Variants in YPEL2 observed in about 807,000 individuals in gnomAD.
The protein encoded by YPEL2 is protein yippee-like 2.
A neutral mutation model predicts 19.1 loss-of-function variants in YPEL2; 2 were observed. That is an observed-to-expected ratio of 0.10 (90% CI 0.04 to 0.33). The LOEUF is 0.33. Ranked by LOEUF, YPEL2 falls within the 10% of genes least tolerant of loss-of-function variation. YPEL2 has a pLI of 1.00. For synonymous variants in YPEL2, 52 were observed against 50.0 expected (o/e 1.04, Z -0.17); for missense variants, 66 against 140.7 (o/e 0.47, Z 2.68).
intron 1 of YPEL2, among the ~76,000 whole-genome samples, chr17:59,351,464 T>A (rs1326579259): frequency 3.9e-5 from 6 of 152,088 alleles, no homozygotes; most frequent in African/African-American, 1.2e-4. Flanking sequence ...TCTGTAACAC[T>A]CTGGCACCCA....
At chr17:59,391,249 T>C (rs1261276373) in intron 4 of YPEL2, among the ~76,000 whole-genome samples, 1 of 152,190 alleles carries the variant, frequency 6.6e-6, no homozygotes, top group East Asian at 1.9e-4. Flanking sequence ...CGCAGAGTGC[T>C]GACGATATGT....
In YPEL2 at chr17:59,392,506, C is replaced by T. The variant is rs930764267; in HGVS notation, c.270+3038C>T. Among the ~76,000 whole-genome samples, 3 of 126,842 alleles carry T rather than the reference C, an allele frequency of 2.4e-5. No homozygotes were observed. The East Asian group carries it at 8.6e-4, about 36-fold the overall frequency. 83.2% of individuals were successfully genotyped at this position (126,842 alleles called of 152,430 possible). A position where few individuals can be genotyped will look rare whatever the true frequency, so the allele number is the denominator to read the frequency against. On this transcript the variant is annotated intron_variant, in intron 4 of 4. Coordinates refer to ENST00000312655, the MANE Select transcript of YPEL2 (RefSeq NM_001005404.4). ...ACCTCCTATGTGCCAGCTCAGGGCA[C>T]GTTTTTTTTTTTTTTTTTTTTTGAG...
intron 1 of YPEL2, among the ~76,000 whole-genome samples, chr17:59,334,329 G>A (rs1030866374): frequency 2.0e-5 from 3 of 148,580 alleles, no homozygotes; most frequent in Non-Finnish European, 4.5e-5. Context: ...ATTTTGTTTA[G>A]TATCCGTGTA....
chr17:59,385,602 A>G (rs2047975848), intron 2 of YPEL2, among the ~76,000 whole-genome samples: 1 of 152,140 alleles, frequency 6.6e-6, no homozygotes, highest in South Asian at 2.1e-4. Context: ...GAAAATACAA[A>G]TTATAGTGAC....
chr17:59,389,232 T>A (rs1340607871), intron 3 of YPEL2, 128 bp from the exon 4 acceptor site: 1 of 743,300 alleles, frequency 1.3e-6, no homozygotes, highest in Non-Finnish European at 2.3e-6. Flanking sequence ...TTGGTTTAGA[T>A]CTGCTCAGCT....
In YPEL2 at chr17:59,392,161, C is replaced by T. The variant is rs190127880; in HGVS notation, c.270+2693C>T. ...GTGCAGAAAAGTTCTGCCCCTGCCC[C>T]TGTTTCCCAGCCTCTTGGCTGTCTT... On this transcript the variant is annotated intron_variant, in intron 4 of 4. Coordinates refer to ENST00000312655, the MANE Select transcript of YPEL2 (RefSeq NM_001005404.4). Among the ~76,000 whole-genome samples the T allele has an allele frequency of 1.9e-3, 285 of 152,312 alleles. 3 individuals carry two copies. Among genetic ancestry groups the T allele is most frequent in the African/African-American group, 6.7e-3 (280 of 41,570 alleles).
intron 1 of YPEL2, among the ~76,000 whole-genome samples, chr17:59,339,638 A>T (rs930510318): frequency 6.6e-6 from 1 of 152,176 alleles, no homozygotes; most frequent in African/African-American, 2.4e-5. Flanking sequence ...AGGGACTGAG[A>T]ATACACTTCC....
intron 1 of YPEL2, among the ~76,000 whole-genome samples, chr17:59,339,102 G>GC (rs869226073): frequency 7.4e-4 from 95 of 127,964 alleles, no homozygotes; most frequent in Non-Finnish European, 1.0e-3. Flanking sequence ...GGATATCTGC[G>GC]CCCCCCACCC....
At position 59,353,799 on chromosome 17, in the gene YPEL2, T is replaced by C. The variant is rs934929741; in HGVS notation, c.117+273T>C. 2.4e-6 allele frequency: 1 copy of C among 425,340 alleles called. No homozygotes were observed. Among genetic ancestry groups the C allele is most frequent in the African/African-American group, 2.0e-5 (1 of 49,068 alleles). 26.3% of individuals were successfully genotyped at this position (425,340 alleles called of 1,614,324 possible). On this transcript the variant is annotated intron_variant, in intron 2 of 4. Coordinates refer to ENST00000312655, the MANE Select transcript of YPEL2 (RefSeq NM_001005404.4). This position sits in a 1 kb window ranked among gnomAD's most constrained non-coding sequence, Gnocchi z 4.8. ...AGCCAGAGAAGGGAGGGGCTGGGGA[T>C]TGATGGGAGCCTTGTTCTCAGCTTG...
At chr17:59,371,888 A>T (rs1443710140) in intron 2 of YPEL2, among the ~76,000 whole-genome samples, 2 of 152,236 alleles carry the variant, frequency 1.3e-5, no homozygotes, top group African/African-American at 4.8e-5. Context: ...AAGTTTGCAC[A>T]GTTCACTTCA....
At chr17:59,360,738 CGT>C (rs34622272) in intron 2 of YPEL2, among the ~76,000 whole-genome samples, 95,243 of 151,682 alleles carry the variant, frequency 0.63, 30,983 homozygotes, top group African/African-American at 0.8. Flanking sequence ...ATTTGGGGCT[CGT>C]GTAAAGTATA....
chr17:59,344,030 G>GA (rs2047744134), intron 1 of YPEL2, among the ~76,000 whole-genome samples: 1 of 152,074 alleles, frequency 6.6e-6, no homozygotes. Context: ...GCATAAAGGG[G>GA]GTTTCCTGCT....
At chr17:59,344,514 T>C (rs2047746639) in intron 1 of YPEL2, among the ~76,000 whole-genome samples, 1 of 152,124 alleles carries the variant, frequency 6.6e-6, no homozygotes, top group Non-Finnish European at 1.5e-5. Flanking sequence ...TCCCAGCACT[T>C]TGAGAGGCTG....
Position 59,351,822 on chromosome 17 carries a change from TCAGGGCTG to T in YPEL2, c.-195-1389_-195-1382del, listed in dbSNP as rs2047788996. Among the ~76,000 whole-genome samples, 3 of 152,306 alleles carry T rather than the reference TCAGGGCTG, an allele frequency of 2.0e-5. No individual in the cohort carries two copies. The South Asian group carries it at 6.2e-4, about 32-fold the overall frequency. Reference sequence around the variant, plus strand: ...GCTTTGCATGAGGAGCTTCCTTGGCTCAGGGCTGCAGAAGAGAAGTGCTCTCACTGTGG... The same window carrying T: ...GCTTTGCATGAGGAGCTTCCTTGGCTCAGAAGAGAAGTGCTCTCACTGTGG... On this transcript the variant is annotated intron_variant, in intron 1 of 4. Coordinates refer to ENST00000312655, the MANE Select transcript of YPEL2 (RefSeq NM_001005404.4).
chr17:59,338,098 C>T (rs2047708756), intron 1 of YPEL2, among the ~76,000 whole-genome samples: 1 of 152,198 alleles, frequency 6.6e-6, no homozygotes, highest in African/African-American at 2.4e-5. Flanking sequence ...GTCTCCTGAG[C>T]TACAGAGGAG....
chr17:59,335,174 A>G (rs1265742444), intron 1 of YPEL2, among the ~76,000 whole-genome samples: 2 of 152,240 alleles, frequency 1.3e-5, no homozygotes, highest in East Asian at 3.8e-4. Context: ...GTTAGTTTTC[A>G]GTGACATTGT....
chr17:59,343,991 G>A (rs985667948), intron 1 of YPEL2, among the ~76,000 whole-genome samples: 11 of 152,112 alleles, frequency 7.2e-5, no homozygotes, highest in African/African-American at 2.7e-4. Flanking sequence ...CTGTCTAGGG[G>A]ACAAATGAAG....
intron 2 of YPEL2, among the ~76,000 whole-genome samples, chr17:59,370,207 C>T (rs897010572): frequency 4.6e-5 from 7 of 152,064 alleles, no homozygotes; most frequent in South Asian, 2.1e-4. Context: ...GGACTACAGG[C>T]GCCTGCCACC....
chr17:59,363,804 G>C (rs1280486613), intron 2 of YPEL2, among the ~76,000 whole-genome samples: 1 of 152,210 alleles, frequency 6.6e-6, no homozygotes, highest in Non-Finnish European at 1.5e-5. Context: ...TTCGCAGTGT[G>C]GCCTAGGTTC....
Sources: allele counts gnomAD v4.1 joint callset (sites outside exome capture counted in the v4.1 genomes callset), GRCh38; gene constraint gnomAD v4.1.1; non-coding constraint Gnocchi (gnomAD v3.1); transcripts MANE v1.5; gene names NCBI Gene and HGNC (gene_info 2026-07-23, HGNC 2026-07-21).